Variants in SEM1 observed in about 807,000 individuals in gnomAD.
SEM1 encodes 26S proteasome complex subunit SEM1.
In SEM1, 3 loss-of-function variants were observed where a neutral mutation model predicts 12.7. The observed-to-expected ratio is 0.24, with a 90% CI of 0.11 to 0.61. The LOEUF is 0.61. Ranked by LOEUF, SEM1 falls within the 20% of genes least tolerant of loss-of-function variation. The pLI is 0.88. For synonymous variants in SEM1, 30 were observed against 27.8 expected, an observed-to-expected ratio of 1.08 and a Z score of -0.25; for missense variants, 59 against 81.3, an observed-to-expected ratio of 0.73 and a Z score of 1.06.
intron 3 of SEM1, chr7:96,503,511 T>C (rs1252468342): frequency 1.3e-5 from 2 of 152,146 alleles, no homozygotes; most frequent in Admixed American, 6.5e-5. Flanking sequence ...GGAGACTGCA[T>C]ATCGTGAATT....
chr7:96,678,731 G>A (rs986037798), intron 2 of SEM1, among the ~76,000 whole-genome samples: 4 of 151,964 alleles, frequency 2.6e-5, no homozygotes, highest in African/African-American at 9.7e-5. Context: ...TCTGTACCTT[G>A]AAATAGTTTT....
intron 1 of SEM1, among the ~76,000 whole-genome samples, chr7:96,493,627 A>C (rs913607842): frequency 6.6e-6 from 1 of 152,130 alleles, no homozygotes; most frequent in Non-Finnish European, 1.5e-5. Flanking sequence ...TCATTGTTGG[A>C]GTGATTTTCC....
At chr7:96,624,877 AC>A (rs1221862499) in intron 2 of SEM1, among the ~76,000 whole-genome samples, 1 of 152,150 alleles carries the variant, frequency 6.6e-6, no homozygotes, top group Non-Finnish European at 1.5e-5. Flanking sequence ...ATCCTTGTAG[AC>A]TTTTAGCCAA....
chr7:96,580,724 T>C (rs1459336507), intron 2 of SEM1, among the ~76,000 whole-genome samples: 3 of 151,996 alleles, frequency 2.0e-5, no homozygotes, highest in Non-Finnish European at 4.4e-5. Flanking sequence ...TGGCCAGTGA[T>C]GGTGAGCATT....
chr7:96,703,481 T>A (rs896333998), intron 1 of SEM1, among the ~76,000 whole-genome samples: 8 of 152,164 alleles, frequency 5.3e-5, no homozygotes, highest in Admixed American at 5.2e-4. Context: ...TTATAAAAAA[T>A]GAGTCTGCCA....
chr7:96,560,832 T>C lies in SEM1; in HGVS notation c.171-54134A>G, dbSNP rs563326148. The stretch of plus-strand genomic sequence containing the variant: ...ATGTTGAATAATTTATCATTTTCCA[T>C]TTGATTTTAAATAACACCCTATCAT... On this transcript the variant is annotated intron_variant and NMD_transcript_variant, in intron 2 of 3. Coordinates refer to the SEM1 transcript ENST00000466986. Among the ~76,000 whole-genome samples the C allele has an allele frequency of 4.8e-4, 73 of 152,290 alleles. 1 individual carries two copies. Among genetic ancestry groups the C allele is most frequent in the African/African-American group, 1.7e-3 (69 of 41,568 alleles).
At chr7:96,707,813 A>G (rs1790517720) in intron 1 of SEM1, among the ~76,000 whole-genome samples, 1 of 152,198 alleles carries the variant, frequency 6.6e-6, no homozygotes, top group Non-Finnish European at 1.5e-5. Context: ...ATCGTTTTTA[A>G]GCAGTCAATT....
At chr7:96,648,003 A>G (rs1277092185) in intron 2 of SEM1, among the ~76,000 whole-genome samples, 1 of 152,236 alleles carries the variant, frequency 6.6e-6, no homozygotes, top group East Asian at 1.9e-4. Flanking sequence ...ACAAAATGTT[A>G]GCAAATGGTG....
At chr7:96,486,486 G>T in intron 1 of SEM1, 3 of 1,230,594 alleles carry the variant, frequency 2.4e-6, no homozygotes, top group South Asian at 1.3e-5. Context: ...GCGGGCACCT[G>T]TTCCACCTGG....
At chr7:96,542,128 T>G (rs1804976439) in intron 2 of SEM1, among the ~76,000 whole-genome samples, 1 of 151,746 alleles carries the variant, frequency 6.6e-6, no homozygotes, top group African/African-American at 2.4e-5. Flanking sequence ...TTTTTTCTAA[T>G]TATGTGAAAA....
chr7:96,530,697 G>T (rs746577823), intron 2 of SEM1, among the ~76,000 whole-genome samples: 8 of 152,048 alleles, frequency 5.3e-5, no homozygotes, highest in Non-Finnish European at 1.0e-4. Context: ...TTCCTAAGCA[G>T]GATTCCACCA....
chr7:96,670,246 A>C (rs10234669), downstream of SEM1, among the ~76,000 whole-genome samples: 23,026 of 152,182 alleles, frequency 0.15, 3,153 homozygotes, highest in African/African-American at 0.37. Flanking sequence ...TAACTCATTA[A>C]ATTAGATCAA....
chr7:96,585,388 T>A (rs1361069747), intron 2 of SEM1, among the ~76,000 whole-genome samples: 4 of 152,216 alleles, frequency 2.6e-5, no homozygotes, highest in Non-Finnish European at 5.9e-5. Context: ...GACAGGGACA[T>A]TTAAGTCTGC....
At chr7:96,702,674 T>C (rs1053094665) in intron 1 of SEM1, among the ~76,000 whole-genome samples, 5 of 152,188 alleles carry the variant, frequency 3.3e-5, no homozygotes, top group Admixed American at 1.3e-4. Context: ...TTTACATAGT[T>C]TCAAAGTCCC....
At chr7:96,567,093 C>T (rs1195575993) in intron 2 of SEM1, among the ~76,000 whole-genome samples, 1 of 151,384 alleles carries the variant, frequency 6.6e-6, no homozygotes, top group African/African-American at 2.4e-5. Flanking sequence ...TAAATTGCTC[C>T]CTACTCTAAA....
chr7:96,604,915 C>G (rs762920729), intron 2 of SEM1, among the ~76,000 whole-genome samples: 1 of 151,390 alleles, frequency 6.6e-6, no homozygotes, highest in South Asian at 2.1e-4. Context: ...AGCAAGACTC[C>G]GTCTCAAAAA....
intron 2 of SEM1, among the ~76,000 whole-genome samples, chr7:96,485,536 CTTTTT>C (rs61088450): frequency 2.6e-5 from 2 of 76,704 alleles, no homozygotes; most frequent in African/African-American, 5.3e-5. Context: ...TCTCTACATT[CTTTTT>C]TTTTTTTTTT....
At chr7:96,497,199 A>G (rs1162784874), upstream of SEM1, among the ~76,000 whole-genome samples, 1 of 152,152 alleles carries the variant, frequency 6.6e-6, no homozygotes, top group Admixed American at 6.5e-5. Context: ...TTTATGCAAG[A>G]GTAATCTAAT....
chr7:96,497,005 G>A (rs1007697963), upstream of SEM1, among the ~76,000 whole-genome samples: 12 of 150,710 alleles, frequency 8.0e-5, no homozygotes, highest in South Asian at 2.1e-4. Context: ...GCACGAGCAC[G>A]TATACACACA....
Sources: allele counts gnomAD v4.1 joint callset (sites outside exome capture counted in the v4.1 genomes callset), GRCh38; gene constraint gnomAD v4.1.1; transcripts MANE v1.5; gene names NCBI Gene and HGNC (gene_info 2026-07-23, HGNC 2026-07-21).